ZBTB20: variants seen among roughly 807,000 people sequenced by gnomAD.
ZBTB20 encodes the protein zinc finger and BTB domain-containing protein 20.
ZBTB20 carries 9 observed loss-of-function variants against 56.9 expected under a neutral mutation model. That is an observed-to-expected ratio of 0.16 (90% CI 0.10 to 0.28). The LOEUF is 0.28. Among genes scored for constraint, ZBTB20 ranks in the 10% least tolerant of loss-of-function variants. ZBTB20 has a pLI of 1.00. For synonymous variants in ZBTB20, 417 were observed against 420.7 expected (o/e 0.99, Z 0.11); for missense variants, 655 against 1,003.0 (o/e 0.65, Z 4.69).
chr3:114,558,292 C>T (rs374220285), intron 6 of ZBTB20, among the ~76,000 whole-genome samples: 54 of 152,142 alleles, frequency 3.5e-4, no homozygotes, highest in African/African-American at 1.2e-3. Flanking sequence ...CCCAATAATT[C>T]CCTTACCTAT....
At chr3:114,556,911 G>T (rs1252142030) in intron 6 of ZBTB20, among the ~76,000 whole-genome samples, 2 of 151,992 alleles carry the variant, frequency 1.3e-5, no homozygotes, top group African/African-American at 2.4e-5. Flanking sequence ...CAATAAAAAA[G>T]ATCAGATTGT....
At chr3:114,472,552 A>G (rs555256467) in intron 7 of ZBTB20, among the ~76,000 whole-genome samples, 53 of 152,238 alleles carry the variant, frequency 3.5e-4, no homozygotes, top group African/African-American at 1.3e-3. Flanking sequence ...TTTACTAAAT[A>G]TAAAACTTAG....
In ZBTB20 at chr3:114,753,595, C is replaced by A. The variant is rs530859637; in HGVS notation, c.-343+47506G>T. On this transcript the variant is annotated intron_variant, in intron 5 of 11. Coordinates refer to ENST00000675478, the MANE Select transcript of ZBTB20 (RefSeq NM_001348800.3). ...GATTACAGGCATGTGCTACCACGCC[C>A]AGCTAATTTTGCATTTTTAATAGAG... is the stretch of plus-strand genomic sequence containing the variant. Among the ~76,000 whole-genome samples the A allele has an allele frequency of 1.1e-4, 17 of 151,736 alleles. No individual in the cohort carries two copies. In the South Asian group the frequency reaches 2.1e-3, roughly 19 times the overall value.
In ZBTB20 at chr3:114,938,589, G is replaced by A. The variant is rs770633750; in HGVS notation, c.-456+35777C>T. Among the ~76,000 whole-genome samples the A allele has an allele frequency of 4.8e-5, 7 of 145,810 alleles. 1 individual carries two copies. Among genetic ancestry groups the A allele is most frequent in the East Asian group, 1.9e-4 (1 of 5,174 alleles). ...ACACAGGAACAGAAAACCAAACACC[G>A]CATGTTCGCACTCATAAGTGGGAGC... On this transcript the variant is annotated intron_variant, in intron 3 of 11. Coordinates refer to ENST00000675478, the MANE Select transcript of ZBTB20 (RefSeq NM_001348800.3).
chr3:114,438,449 A>G (rs2090686506), intron 7 of ZBTB20, among the ~76,000 whole-genome samples: 1 of 151,960 alleles, frequency 6.6e-6, no homozygotes, highest in Non-Finnish European at 1.5e-5. Flanking sequence ...AAAAAAACAA[A>G]ACAAAACTTG....
intron 10 of ZBTB20, among the ~76,000 whole-genome samples, chr3:114,362,785 A>G (rs1032102525): frequency 6.6e-6 from 1 of 152,230 alleles, no homozygotes; most frequent in Non-Finnish European, 1.5e-5. Context: ...AATAAAAAAT[A>G]AGAAGAGATG....
intron 5 of ZBTB20, among the ~76,000 whole-genome samples, chr3:114,706,528 T>G (rs1451377873): frequency 6.6e-6 from 1 of 152,156 alleles, no homozygotes; most frequent in African/African-American, 2.4e-5. Flanking sequence ...CTTGACTTTT[T>G]GTGATTGCTG....
chr3:114,615,929 A>C (rs2057906752), intron 6 of ZBTB20, among the ~76,000 whole-genome samples: 1 of 152,234 alleles, frequency 6.6e-6, no homozygotes, highest in African/African-American at 2.4e-5. Context: ...GCCTTCTGAT[A>C]CGCAGCAGGA....
intron 4 of ZBTB20, among the ~76,000 whole-genome samples, chr3:114,889,879 T>C (rs923972900): frequency 1.3e-5 from 2 of 152,140 alleles, no homozygotes; most frequent in Non-Finnish European, 2.9e-5. Context: ...CAGAAGACCA[T>C]ATTTTATTAC....
chr3:114,568,139 T>C (rs578111289), intron 6 of ZBTB20, among the ~76,000 whole-genome samples: 28 of 152,224 alleles, frequency 1.8e-4, no homozygotes, highest in Non-Finnish European at 2.4e-4. Context: ...CCTTTCTCAA[T>C]AGAACAGGCT....
chr3:114,624,013 T>G (rs2058497868), intron 6 of ZBTB20: 1 of 152,214 alleles, frequency 6.6e-6, no homozygotes, highest in African/African-American at 2.4e-5. Flanking sequence ...TTAATTGTAT[T>G]TTTTGTTTGT....
At chr3:114,842,924 A>G (rs1294540262) in intron 4 of ZBTB20, among the ~76,000 whole-genome samples, 1 of 152,156 alleles carries the variant, frequency 6.6e-6, no homozygotes, top group African/African-American at 2.4e-5. Context: ...TTGTAATCCC[A>G]GGGACCTGGT....
intron 1 of ZBTB20, among the ~76,000 whole-genome samples, chr3:115,140,939 A>G (rs1413220033): frequency 1.3e-5 from 2 of 152,124 alleles, no homozygotes; most frequent in Admixed American, 6.5e-5. Flanking sequence ...TTGTTTGACT[A>G]TAGTTCTGTT....
chr3:114,430,724 C>A (rs1483966455), intron 7 of ZBTB20, among the ~76,000 whole-genome samples: 1 of 152,086 alleles, frequency 6.6e-6, no homozygotes, highest in Non-Finnish European at 1.5e-5. Flanking sequence ...ATAAAAAATA[C>A]CCTATAAACT....
intron 7 of ZBTB20, among the ~76,000 whole-genome samples, chr3:114,473,630 G>C (rs1609968): frequency 0.012 from 1,869 of 152,192 alleles, 38 homozygotes; most frequent in African/African-American, 0.043. Flanking sequence ...CAGAGTTTGA[G>C]GCCAGCCTGG....
intron 6 of ZBTB20, among the ~76,000 whole-genome samples, chr3:114,531,966 T>C (rs1202432877): frequency 1.3e-5 from 2 of 152,336 alleles, no homozygotes; most frequent in African/African-American, 2.4e-5. Flanking sequence ...CCAGATACTA[T>C]GCTTTTCTCA....
At chr3:114,557,409 C>G (rs1233705589) in intron 6 of ZBTB20, among the ~76,000 whole-genome samples, 1 of 151,822 alleles carries the variant, frequency 6.6e-6, no homozygotes, top group Non-Finnish European at 1.5e-5. Context: ...AGTTCTTAAG[C>G]CTTTATTTGA....
At chr3:114,648,073 CTA>C (rs938315445) in intron 6 of ZBTB20, among the ~76,000 whole-genome samples, 3 of 151,990 alleles carry the variant, frequency 2.0e-5, no homozygotes, top group East Asian at 1.9e-4. Flanking sequence ...GTATTTTGTG[CTA>C]TGTTTTGACT....
chr3:114,562,358 T>C (rs2052178751), intron 6 of ZBTB20, among the ~76,000 whole-genome samples: 1 of 151,966 alleles, frequency 6.6e-6, no homozygotes. Flanking sequence ...AGAGACGGGG[T>C]TTCACCATGT....
Sources: gnomAD v4.1 joint callset for allele counts (sites outside exome capture counted in the v4.1 genomes callset) on GRCh38, gnomAD v4.1.1 for gene constraint, MANE v1.5 for transcripts, NCBI Gene and HGNC (gene_info 2026-07-23, HGNC 2026-07-21) for gene names.